PNLIPRP1: variants seen among roughly 807,000 people sequenced by gnomAD.
PNLIPRP1 encodes the protein pancreatic lipase related protein 1.
PNLIPRP1 carries 57 observed loss-of-function variants against 54.6 expected under a neutral mutation model. That is an observed-to-expected ratio of 1.04 (90% confidence interval 0.84 to 1.30). The LOEUF (loss-of-function observed/expected upper bound fraction) is 1.30, where lower values mean the gene tolerates loss of function less well. Ranked by LOEUF, PNLIPRP1 falls within the 50% of genes most tolerant of loss-of-function variation. The pLI is 0.00. For synonymous variants in PNLIPRP1, 232 were observed against 208.8 expected, an observed-to-expected ratio of 1.11 and a Z score of -0.96; for missense variants, 567 against 568.5, an observed-to-expected ratio of 1.00 and a Z score of 0.03.
intron 10 of PNLIPRP1, among the ~76,000 whole-genome samples, chr10:116,603,591 A>C (rs1847885820): frequency 6.6e-6 from 1 of 152,172 alleles, no homozygotes; most frequent in African/African-American, 2.4e-5. Flanking sequence ...TAGATTAACA[A>C]ATAGAATTTC....
chr10:116,591,782 T>C lies in PNLIPRP1; in HGVS notation c.61T>C (p.Cys21Arg), dbSNP rs552854986. 1.2e-5 allele frequency: 20 copies of C among 1,614,112 alleles called. No individual in the cohort carries two copies. The South Asian group carries it at 2.1e-4, about 17-fold the overall frequency. The change falls in exon 3 of 13, where the codon TGC becomes CGC. Residue 21 changes from cysteine to arginine, a missense_variant. By Grantham distance (180) the Cys-to-Arg change is radical. Coordinates refer to ENST00000358834, the MANE Select transcript of PNLIPRP1 (RefSeq NM_006229.4). ...ACCTTTCTCTGTAGGAAAAGAAGTT[T>C]GCTATGAGGACCTCGGGTGCTTTTC... ...LLGAAKGKEVCYEDLGCFSDT... is the reference protein window; with the variant it reads ...LLGAAKGKEVRYEDLGCFSDT...
chr10:116,590,971 G>C lies in PNLIPRP1; in HGVS notation c.-25G>C, dbSNP rs1435502833. ...GGGCTGGACACTCGATCCGGTGGGA[G>C]GGAACATCTGGAACATTAGACAGGG... On this transcript the variant is annotated 5_prime_UTR_variant, in exon 1 of 13. Transcript: ENST00000358834. The C allele has an allele frequency of 1.7e-6, 1 of 598,328 alleles. No individual in the cohort carries two copies. Among genetic ancestry groups the C allele is most frequent in the Non-Finnish European group, 3.0e-6 (1 of 332,576 alleles). 37.1% of individuals were successfully genotyped at this position (598,328 alleles called of 1,614,324 possible).
At chr10:116,599,296 T>TAAAATAAAATAAAATAAAAA (rs1297586792) in intron 8 of PNLIPRP1, among the ~76,000 whole-genome samples, 24 of 133,916 alleles carry the variant, frequency 1.8e-4, no homozygotes, top group African/African-American at 5.4e-4. Context: ...TAAAATAAAA[T>TAAAATAAAATAAAATAAAAA]AAAAAATAAA....
chr10:116,605,634 T>C (rs542207234), intron 12 of PNLIPRP1, 81 bp downstream of exon 12: 1 of 1,095,932 alleles, frequency 9.1e-7, no homozygotes, highest in South Asian at 2.2e-5. Flanking sequence ...GAAAGTTACG[T>C]GTAGTTAAGC....
chr10:116,592,953 A>C (rs1554863458), intron 4 of PNLIPRP1: 3 of 327,724 alleles, frequency 9.2e-6, no homozygotes, highest in Non-Finnish European at 1.8e-5. Context: ...GGATCACCTG[A>C]GGTCAGGAGT....
chr10:116,594,635 A>T (rs1847701167), intron 4 of PNLIPRP1, 95 bp from the exon 5 acceptor site: 2 of 1,326,016 alleles, frequency 1.5e-6, no homozygotes, highest in Non-Finnish European at 1.1e-6. Flanking sequence ...TGCCCTAGCT[A>T]GGAGAAGAGA....
chr10:116,598,199 G>A (rs200451451), intron 8 of PNLIPRP1, 33 bp downstream of exon 8: 14 of 1,594,822 alleles, frequency 8.8e-6, no homozygotes, highest in South Asian at 3.4e-5. Flanking sequence ...GGAGCAGGGC[G>A]GGTACTTTCC....
At chr10:116,605,037 C>T (rs1554865403) in intron 11 of PNLIPRP1, among the ~76,000 whole-genome samples, 2 of 152,124 alleles carry the variant, frequency 1.3e-5, no homozygotes, top group African/African-American at 2.4e-5. Flanking sequence ...TCTAATATTA[C>T]TTCAGATATG....
intron 4 of PNLIPRP1, chr10:116,594,509 C>T (rs1564735851): frequency 1.7e-6 from 1 of 604,380 alleles, no homozygotes; most frequent in Non-Finnish European, 2.9e-6. Context: ...GAGTAGCCAG[C>T]TTCCAATTAA....
At chr10:116,606,025 T>C (rs1250546698) in intron 12 of PNLIPRP1, among the ~76,000 whole-genome samples, 1 of 152,166 alleles carries the variant, frequency 6.6e-6, no homozygotes, top group African/African-American at 2.4e-5. Flanking sequence ...TCTCCCTGGC[T>C]TTGGGCCTGA....
chr10:116,602,047 G>A lies in PNLIPRP1; in HGVS notation c.1063+846G>A, dbSNP rs557269263. Reference sequence around the variant, plus strand: ...TTTTTTTTTTTTGAGACGGAGTCTCGCTGTGTCGCCCAGGCTGGAGTGCAG... The same window carrying A: ...TTTTTTTTTTTTGAGACGGAGTCTCACTGTGTCGCCCAGGCTGGAGTGCAG... On this transcript the variant is annotated intron_variant, in intron 10 of 12. Coordinates refer to ENST00000358834, the MANE Select transcript of PNLIPRP1 (RefSeq NM_006229.4). Among the ~76,000 whole-genome samples the A allele has an allele frequency of 5.7e-4, 80 of 140,844 alleles. 1 individual carries two copies. Among genetic ancestry groups the A allele is most frequent in the African/African-American group, 1.6e-3 (59 of 37,510 alleles). 92.4% of individuals were successfully genotyped at this position (140,844 alleles called of 152,430 possible).
intron 6 of PNLIPRP1, among the ~76,000 whole-genome samples, chr10:116,596,638 A>G (rs1319952995): frequency 1.3e-5 from 2 of 152,174 alleles, no homozygotes; most frequent in African/African-American, 4.8e-5. Context: ...GAGTGAGACT[A>G]GTATGAACAT....
chr10:116,592,399 T>C lies in PNLIPRP1; in HGVS notation c.205-17T>C, dbSNP rs2133226336. ...GCTGGGCTGCGAAAACATGAAGCAC[T>C]TCTGCGTCTGTCACAGATTCTCCTC... On this transcript the variant is annotated splice_polypyrimidine_tract_variant and intron_variant, in intron 3 of 12. Coordinates refer to ENST00000358834, the MANE Select transcript of PNLIPRP1 (RefSeq NM_006229.4). The C allele has an allele frequency of 1.9e-6, 3 of 1,588,342 alleles. No individual in the cohort carries two copies. Among genetic ancestry groups the C allele is most frequent in the Non-Finnish European group, 2.6e-6 (3 of 1,164,968 alleles).
chr10:116,601,039 C>A (rs1554864693), intron 9 of PNLIPRP1, 33 bp from the exon 10 acceptor site: 2 of 1,583,020 alleles, frequency 1.3e-6, no homozygotes, highest in Non-Finnish European at 1.7e-6. Context: ...AACACAAATT[C>A]TCCTTACAGT....
chr10:116,605,063 T>C (rs1269523393), intron 11 of PNLIPRP1, among the ~76,000 whole-genome samples: 2 of 152,200 alleles, frequency 1.3e-5, no homozygotes, highest in Non-Finnish European at 2.9e-5. Flanking sequence ...TTCTGATTAG[T>C]GCAATAACAC....
At chr10:116,605,331 T>C (rs1847918752) in intron 11 of PNLIPRP1, 55 bp from the exon 12 acceptor site, 2 of 989,762 alleles carry the variant, frequency 2.0e-6, no homozygotes, top group East Asian at 2.6e-5. Context: ...TGGCATTGTA[T>C]GGTAATTAGA....
chr10:116,605,171 A>G (rs530220836), intron 11 of PNLIPRP1, among the ~76,000 whole-genome samples: 1 of 152,328 alleles, frequency 6.6e-6, no homozygotes, highest in South Asian at 2.1e-4. Flanking sequence ...TTTATTTTCT[A>G]TTAGAAAGCT....
rs1454365875 is a variant in PNLIPRP1, at chr10:116,591,728, C to T, written c.50-43C>T. The stretch of plus-strand genomic sequence containing the variant: ...AACAGCAGTGACACCCCAGAGCACA[C>T]CTTGAGAGCAAATCCTTGAGCAGAT... On this transcript the variant is annotated intron_variant, in intron 2 of 12. Coordinates refer to ENST00000358834, the MANE Select transcript of PNLIPRP1 (RefSeq NM_006229.4). 5 of 1,606,656 alleles carry T rather than the reference C, an allele frequency of 3.1e-6. No homozygotes were observed. In the African/African-American group the frequency reaches 6.7e-5, roughly 21 times the overall value.
At chr10:116,603,699 C>G (rs1847887817) in intron 10 of PNLIPRP1, among the ~76,000 whole-genome samples, 1 of 152,164 alleles carries the variant, frequency 6.6e-6, no homozygotes, top group Non-Finnish European at 1.5e-5. Flanking sequence ...TGGAGACCAG[C>G]TTGACCAACA....
Sources: gnomAD v4.1 joint callset for allele counts (sites outside exome capture counted in the v4.1 genomes callset) on GRCh38, gnomAD v4.1.1 for gene constraint, MANE v1.5 for transcripts, NCBI Gene and HGNC (gene_info 2026-07-23, HGNC 2026-07-21) for gene names.